The following ZNF280D variants were observed in gnomAD, a reference collection of about 807,000 sequenced individuals.
The protein encoded by ZNF280D is suppressor of hairy wing homolog 4.
ZNF280D carries 39 observed loss-of-function variants against 94.7 expected under a neutral mutation model. The ratio of observed to expected loss-of-function variants is 0.41; its 90% confidence interval spans 0.32 to 0.54. The LOEUF is 0.54. ZNF280D is among the 20% of genes least tolerant of loss of function. The pLI, the probability that ZNF280D is intolerant of heterozygous loss-of-function variation, is 0.22. For missense variants in ZNF280D, 1,090 were observed against 1,149.3 expected (o/e 0.95, Z 0.75); for synonymous variants, 398 against 377.6 (o/e 1.05, Z -0.63).
chr15:56,643,242 A>G (rs753162933), intron 19 of ZNF280D: 32 of 269,482 alleles, frequency 1.2e-4, no homozygotes, highest in Non-Finnish European at 2.2e-4. Context: ...TTCTCTAAAA[A>G]CAAGGACACT....
At chr15:56,640,142 T>C (rs1399201808) in intron 20 of ZNF280D, among the ~76,000 whole-genome samples, 7 of 152,090 alleles carry the variant, frequency 4.6e-5, no homozygotes, top group African/African-American at 1.4e-4. Context: ...AAAGAAATCA[T>C]GGGGTACTTT....
intron 16 of ZNF280D, 71 bp downstream of exon 16, chr15:56,666,324 C>G: frequency 6.5e-7 from 1 of 1,545,522 alleles, no homozygotes; most frequent in Admixed American, 1.9e-5. Flanking sequence ...AATAGGATAA[C>G]TTTGTTTTTG....
intron 13 of ZNF280D, 67 bp downstream of exon 13, chr15:56,676,603 C>T: frequency 7.2e-7 from 1 of 1,392,436 alleles, no homozygotes; most frequent in Non-Finnish European, 9.7e-7. Context: ...TCTAAAGATT[C>T]TCCAAGTCAT....
intron 16 of ZNF280D, among the ~76,000 whole-genome samples, chr15:56,664,639 T>G (rs1334729327): frequency 6.6e-6 from 1 of 152,126 alleles, no homozygotes; most frequent in Admixed American, 6.6e-5. Flanking sequence ...AATAAAATCT[T>G]TAGGGTACTG....
intron 14 of ZNF280D, 29 bp from the exon 15 acceptor site, chr15:56,667,015 A>C (rs1388065211): frequency 6.7e-7 from 1 of 1,494,590 alleles, no homozygotes. Flanking sequence ...GATTTGCTTT[A>C]AGAGATTAAT....
chr15:56,676,632 G>A, intron 13 of ZNF280D, 38 bp downstream of exon 13: 2 of 1,533,944 alleles, frequency 1.3e-6, no homozygotes, highest in Non-Finnish European at 8.8e-7. Context: ...TTTTCACTAA[G>A]ACAACATAAT....
intron 3 of ZNF280D, 61 bp downstream of exon 3, chr15:56,707,021 C>T (rs1234561249): frequency 3.3e-6 from 5 of 1,520,952 alleles, no homozygotes; most frequent in African/African-American, 2.7e-5. Flanking sequence ...CATCCTTTCT[C>T]CTGAGGTAAA....
chr15:56,712,096 A>G (rs2141302077), intron 1 of ZNF280D, among the ~76,000 whole-genome samples: 1 of 152,322 alleles, frequency 6.6e-6, no homozygotes, highest in South Asian at 2.1e-4. Context: ...GAAATTTCTC[A>G]TGATGAAATT....
Position 56,630,752 on chromosome 15 carries a change from T to C in ZNF280D, c.*746A>G, listed in dbSNP as rs1263520098. On this transcript the variant is annotated 3_prime_UTR_variant, in exon 22 of 22. Coordinates refer to ENST00000267807, the MANE Select transcript of ZNF280D (RefSeq NM_017661.4). ...TACAACTAATACATCAAAGAATTTC[T>C]ACACAGCTTACACACTGACAAAAAG... The C allele has an allele frequency of 6.6e-6, 1 of 152,212 alleles. No homozygotes were observed. The highest frequency in any genetic ancestry group is 2.4e-5 in the African/African-American group (1 of 41,456). 9.4% of individuals were successfully genotyped at this position (152,212 alleles called of 1,614,324 possible). A position where few individuals can be genotyped will look rare whatever the true frequency, so the allele number is the denominator to read the frequency against.
intron 16 of ZNF280D, among the ~76,000 whole-genome samples, chr15:56,662,158 C>T (rs941681318): frequency 9.9e-5 from 15 of 152,058 alleles, no homozygotes; most frequent in African/African-American, 3.6e-4. Flanking sequence ...GCTTCTTATA[C>T]ATCATTTTGA....
chr15:56,715,320 C>G lies in ZNF280D; in HGVS notation c.-85-8014G>C, dbSNP rs137986321. On this transcript the variant is annotated intron_variant, in intron 1 of 21. Coordinates refer to ENST00000267807, the MANE Select transcript of ZNF280D (RefSeq NM_017661.4). ...ACATGTTTACTGAAAATGGTTCAAA[C>G]ATACAGTGTATATAAAGTACAAAGT... 2.8e-3 allele frequency among the ~76,000 whole-genome samples: 432 copies of G among 152,176 alleles called. 2 individuals are homozygous for G. The highest frequency in any genetic ancestry group is 0.01 in the African/African-American group (424 of 41,536).
At chr15:56,731,506 C>CAAAAAAAAAAAAAAAAAAAAA (rs752976383) in intron 1 of ZNF280D, among the ~76,000 whole-genome samples, 1 of 80,870 alleles carries the variant, frequency 1.2e-5, no homozygotes, top group Non-Finnish European at 2.2e-5. Context: ...GTACCTATCT[C>CAAAAAAAAAAAAAAAAAAAAA]AAAAAAAAAA....
intron 4 of ZNF280D, among the ~76,000 whole-genome samples, chr15:56,702,955 ACACACG>A (rs1429311438): frequency 7.3e-6 from 1 of 136,462 alleles, no homozygotes; most frequent in East Asian, 2.2e-4. Flanking sequence ...ACACACACAC[ACACACG>A]CTGGTAAACT....
At chr15:56,643,937 T>C (rs1194626502) in intron 19 of ZNF280D, among the ~76,000 whole-genome samples, 1 of 151,912 alleles carries the variant, frequency 6.6e-6, no homozygotes, top group African/African-American at 2.4e-5. Flanking sequence ...TCAACCATCC[T>C]AAAAGCTACT....
chr15:56,682,485 A>AC lies in ZNF280D; in HGVS notation c.781-9_781-8insG. 120 of 1,058,246 alleles carry AC rather than the reference A, an allele frequency of 1.1e-4. No individual in the cohort carries two copies. The highest frequency in any genetic ancestry group is 1.4e-4 in the Non-Finnish European group (103 of 761,630). The allele number at this position is 1,058,246 out of a possible 1,614,324, so 65.6% of individuals were successfully genotyped here. A position where few individuals can be genotyped will look rare whatever the true frequency, so the allele number is the denominator to read the frequency against. ...CATGTCTGGACAACAATACTGAAAG[A>AC]GAAAAAAAAAAAAAAAAAACAAGCC... On this transcript the variant is annotated splice_polypyrimidine_tract_variant and intron_variant, in intron 9 of 21. Coordinates refer to ENST00000267807, the MANE Select transcript of ZNF280D (RefSeq NM_017661.4).
chr15:56,656,351 A>G (rs146785117), intron 17 of ZNF280D, among the ~76,000 whole-genome samples: 6 of 152,340 alleles, frequency 3.9e-5, no homozygotes, highest in African/African-American at 1.4e-4. Context: ...ACAATTTTCA[A>G]TTTGAGACTA....
chr15:56,707,162 T>A lies in ZNF280D; in HGVS notation c.-41-12A>T. The A allele has an allele frequency of 2.5e-6, 4 of 1,613,206 alleles. No individual in the cohort carries two copies. The highest frequency in any genetic ancestry group is 1.3e-5 in the African/African-American group (1 of 75,040). ...TTGTCACCTAAGTACTGACACATGATATCAGTCAATTTAATGAGTCACTTT... is the reference window on the plus strand; with the variant it reads ...TTGTCACCTAAGTACTGACACATGAAATCAGTCAATTTAATGAGTCACTTT... On this transcript the variant is annotated splice_polypyrimidine_tract_variant and intron_variant, in intron 2 of 21. Transcript: ENST00000267807.
intron 6 of ZNF280D, chr15:56,698,554 T>C (rs2056881749): frequency 1.3e-5 from 2 of 152,198 alleles, no homozygotes. Flanking sequence ...TCCATGTAAA[T>C]GTCATTACCC....
Position 56,682,295 on chromosome 15 carries a change from A to T in ZNF280D, c.963T>A (p.Phe321Leu). The change falls in exon 10 of 22, where the codon TTT becomes TTA. Residue 321 changes from phenylalanine (F) to leucine (L), a missense_variant. By Grantham distance (22) the Phe-to-Leu change is conservative. Around this residue, in one of 3 missense-constraint regions of ZNF280D, gnomAD observed 386 missense variants for 372.0 expected, o/e 1.04. Transcript: ENST00000267807. ...VQEEQKTHTT[F>L]KCFSCLKILK... The stretch of plus-strand genomic sequence containing the variant: ...GAATTTTCAAGCAACTGAAGCATTT[A>T]AAGGTTGTGTGAGTCTTCTGTTCCT... 1 of 1,586,226 alleles carries T rather than the reference A, an allele frequency of 6.3e-7. No individual in the cohort carries two copies. The highest frequency in any genetic ancestry group is 8.5e-7 in the Non-Finnish European group (1 of 1,172,428).
Sources: allele counts gnomAD v4.1 joint callset (sites outside exome capture counted in the v4.1 genomes callset), GRCh38; gene constraint gnomAD v4.1.1; regional missense constraint gnomAD v4.1.1; transcripts MANE v1.5; gene names NCBI Gene and HGNC (gene_info 2026-07-23, HGNC 2026-07-21).